GOT2: variants seen among roughly 807,000 people sequenced by gnomAD.
GOT2 encodes the protein glutamic-oxaloacetic transaminase 2.
A neutral mutation model predicts 50.0 loss-of-function variants in GOT2; 17 were observed. That is an observed-to-expected ratio of 0.34 (90% CI 0.23 to 0.51). The LOEUF is 0.51. GOT2 is among the 20% of genes least tolerant of loss of function. The probability of loss-of-function intolerance (pLI) is 0.97; values close to 1 mark genes in which losing one functional copy is unlikely to be tolerated. For synonymous variants in GOT2, 172 were observed against 204.9 expected (o/e 0.84, Z 1.37); for missense variants, 430 against 559.6 (o/e 0.77, Z 2.34).
intron 8 of GOT2, among the ~76,000 whole-genome samples, chr16:58,711,060 AT>A (rs1258842054): frequency 4.6e-5 from 7 of 151,920 alleles, no homozygotes; most frequent in African/African-American, 1.2e-4. Flanking sequence ...AAAAAAAAAA[AT>A]GACCTTATTT....
At chr16:58,720,936 A>G (rs1459983727) in intron 3 of GOT2, among the ~76,000 whole-genome samples, 2 of 152,162 alleles carry the variant, frequency 1.3e-5, no homozygotes. Context: ...AAGGTAGGCC[A>G]GTTTCATACT....
At chr16:58,716,589 C>A (rs943196116) in intron 7 of GOT2, 74 bp downstream of exon 7, 1 of 1,274,580 alleles carries the variant, frequency 7.8e-7, no homozygotes, top group Non-Finnish European at 1.1e-6. Flanking sequence ...CACACACACA[C>A]CCACAAGCTC....
intron 9 of GOT2, chr16:58,709,154 C>T (rs544279584): frequency 7.2e-5 from 21 of 293,152 alleles, no homozygotes; most frequent in Admixed American, 4.8e-4. Flanking sequence ...CCCAGCTGCT[C>T]GGGAGGCTGA....
chr16:58,710,396 C>CTT lies in GOT2; in HGVS notation c.1020-831_1020-830dup, dbSNP rs774270272. 2.9e-3 allele frequency among the ~76,000 whole-genome samples: 398 copies of CTT among 138,738 alleles called. 5 individuals carry two copies. The highest frequency in any genetic ancestry group is 9.5e-3 in the African/African-American group (365 of 38,246). The allele number at this position is 138,738 out of a possible 152,430, so 91.0% of individuals were successfully genotyped here. On this transcript the variant is annotated intron_variant, in intron 8 of 9. Coordinates refer to ENST00000245206, the MANE Select transcript of GOT2 (RefSeq NM_002080.4). ...CACCATGCCTTGCTAATTTTCTTTT[C>CTT]TTTTTTTTTTTTTTTTGTAGAGACA... is the stretch of plus-strand genomic sequence containing the variant.
In GOT2 at chr16:58,716,048, C is replaced by T; in HGVS notation, c.985G>A (p.Ala329Thr). ...CGCAAATCTGGGGTGTTCAGAATGG[C>T]AGCAGCAATCCGGGCCCCATTGAGG... is the stretch of plus-strand genomic sequence containing the variant. The part of the protein sequence containing the change: ...PPLNGARIAA[A>T]ILNTPDLRKQ... The change falls in exon 8 of 10, where the codon GCC (alanine) becomes ACC (threonine). Residue 329 changes from alanine (A) to threonine (T), a missense_variant. Coordinates refer to ENST00000245206, the MANE Select transcript of GOT2 (RefSeq NM_002080.4). The T allele has an allele frequency of 6.2e-7, 1 of 1,613,240 alleles. No individual in the cohort carries two copies. The highest frequency in any genetic ancestry group is 8.5e-7 in the Non-Finnish European group (1 of 1,179,800).
At position 58,718,210 on chromosome 16, in the gene GOT2, C is replaced by A; in HGVS notation, c.688G>T (p.Ala230Ser). The change falls in exon 6 of 10, where the codon GCA (alanine) becomes TCA (serine). Residue 230 changes from alanine to serine, a missense_variant. Transcript: ENST00000245206. ...ATCGTCCTCACCTTCACCACTGTTG[C>A]TATTTCCTTCCACTGTTCCGGACGC... ...DPRPEQWKEI[A>S]TVVKKRNLFA... The A allele has an allele frequency of 6.2e-7, 1 of 1,612,336 alleles. No individual in the cohort carries two copies. Among genetic ancestry groups the A allele is most frequent in the African/African-American group, 1.3e-5 (1 of 75,042 alleles).
intron 8 of GOT2, among the ~76,000 whole-genome samples, chr16:58,710,313 A>C (rs2044636071): frequency 6.6e-6 from 1 of 152,002 alleles, no homozygotes; most frequent in Non-Finnish European, 1.5e-5. Context: ...TCAATCTTCC[A>C]GGCTCAAGTG....
rs897417225 is a variant in GOT2, at chr16:58,718,801, G to T, written c.436-113C>A. 8.2e-6 allele frequency: 7 copies of T among 852,098 alleles called. No individual in the cohort carries two copies. The East Asian group carries it at 1.6e-4, about 19-fold the overall frequency. The allele number at this position is 852,098 out of a possible 1,614,324, so 52.8% of individuals were successfully genotyped here. A position where few individuals can be genotyped will look rare whatever the true frequency, so the allele number is the denominator to read the frequency against. Reference sequence around the variant, plus strand: ...CTGCTGAAACCCAGTTTCTCTCTATGGTTGAGAAGCAGTATTGACTCAGCA... The same window carrying T: ...CTGCTGAAACCCAGTTTCTCTCTATTGTTGAGAAGCAGTATTGACTCAGCA... On this transcript the variant is annotated intron_variant, in intron 4 of 9. Coordinates refer to ENST00000245206, the MANE Select transcript of GOT2 (RefSeq NM_002080.4).
chr16:58,717,638 T>C (rs141797825), intron 6 of GOT2, among the ~76,000 whole-genome samples: 4 of 152,260 alleles, frequency 2.6e-5, no homozygotes, highest in African/African-American at 9.6e-5. Flanking sequence ...CTGGGGCCAG[T>C]GGACAGGTTT....
At chr16:58,719,092 G>A (rs1338841426) in intron 4 of GOT2, 104 bp downstream of exon 4, 3 of 861,128 alleles carry the variant, frequency 3.5e-6, no homozygotes, top group East Asian at 4.9e-5. Flanking sequence ...AAACTTCACG[G>A]AAAGAAGAAA....
chr16:58,727,366 G>GT (rs2044795820), intron 1 of GOT2, among the ~76,000 whole-genome samples: 1 of 112,292 alleles, frequency 8.9e-6, no homozygotes, highest in African/African-American at 2.8e-5. Flanking sequence ...CAATATAAAA[G>GT]GTTTTTTTTT....
At chr16:58,720,494 T>C (rs929876038) in intron 3 of GOT2, among the ~76,000 whole-genome samples, 1 of 151,964 alleles carries the variant, frequency 6.6e-6, no homozygotes, top group Admixed American at 6.6e-5. Flanking sequence ...TTATTTTAAA[T>C]AGTTTGTCCT....
Position 58,722,148 on chromosome 16 carries a change from A to G in GOT2, c.375+2T>C. 1 of 1,611,474 alleles carries G rather than the reference A, an allele frequency of 6.2e-7. No homozygotes were observed. ...GATGATGCCAGAGCCTGCTCAGCTT[A>G]CCCGGCCACTCTTCAAGACTTCGCT... On this transcript the variant is annotated splice_donor_variant, in intron 3 of 9. Transcript: ENST00000245206. LOFTEE classifies it high-confidence loss of function.
chr16:58,715,771 C>T (rs1372323447), intron 8 of GOT2, among the ~76,000 whole-genome samples: 3 of 152,094 alleles, frequency 2.0e-5, no homozygotes, highest in Admixed American at 1.3e-4. Flanking sequence ...AGGCTGGTCT[C>T]GAACTCCCGA....
At chr16:58,728,113 C>A (rs894093622) in intron 1 of GOT2, among the ~76,000 whole-genome samples, 1 of 152,118 alleles carries the variant, frequency 6.6e-6, no homozygotes, top group South Asian at 2.1e-4. Flanking sequence ...CAGTCTCAAT[C>A]GTTGTAATTA....
At chr16:58,719,047 G>C (rs1288758824) in intron 4 of GOT2, 149 bp downstream of exon 4, 1 of 649,968 alleles carries the variant, frequency 1.5e-6, no homozygotes, top group Admixed American at 2.7e-5. Flanking sequence ...TTTCTTCAAA[G>C]TCCTTTCATT....
At chr16:58,718,749 T>C in intron 4 of GOT2, 61 bp from the exon 5 acceptor site, 2 of 1,342,630 alleles carry the variant, frequency 1.5e-6, no homozygotes, top group Non-Finnish European at 2.0e-6. Flanking sequence ...AAAATGTTGA[T>C]GTGTTTTATT....
intron 1 of GOT2, among the ~76,000 whole-genome samples, chr16:58,729,307 T>C (rs969484547): frequency 6.8e-6 from 1 of 147,846 alleles, no homozygotes. Flanking sequence ...AGGAATACCC[T>C]GAATGTCAAG....
In GOT2 at chr16:58,716,723, T is replaced by C. The variant is rs2152094810; in HGVS notation, c.793A>G (p.Ile265Val). Reference protein sequence around the residue: ...DKDAWAVRHFIEQGINVCLCQ... With the variant: ...DKDAWAVRHFVEQGINVCLCQ... ...AGGCAAACATTAATGCCCTGTTCGA[T>C]GAAGTGGCGCACAGCCCAGGCATCC... The change falls in exon 7 of 10, where the codon ATC becomes GTC. Residue 265 changes from isoleucine (I) to valine (V), a missense_variant. Physicochemically the swap from Ile to Val is conservative, Grantham distance 29. Coordinates refer to ENST00000245206, the MANE Select transcript of GOT2 (RefSeq NM_002080.4). 1 of 1,614,018 alleles carries C rather than the reference T, an allele frequency of 6.2e-7. No individual in the cohort carries two copies. Among genetic ancestry groups the C allele is most frequent in the South Asian group, 1.1e-5 (1 of 91,078 alleles).
Sources: gnomAD v4.1 joint callset for allele counts (sites outside exome capture counted in the v4.1 genomes callset) on GRCh38, gnomAD v4.1.1 for gene constraint, MANE v1.5 for transcripts, NCBI Gene and HGNC (gene_info 2026-07-23, HGNC 2026-07-21) for gene names.